Variants in TMEM164 observed in about 807,000 individuals in gnomAD.
TMEM164 encodes transmembrane protein 164.
Under a neutral mutation model 18.8 loss-of-function variants are expected in TMEM164, and 4 were observed. The observed-to-expected ratio is 0.21, with a 90% confidence interval of 0.10 to 0.49. TMEM164 has a LOEUF of 0.49. TMEM164 is among the 20% of genes least tolerant of loss of function. The probability of loss-of-function intolerance (pLI) is 0.98; values close to 1 mark genes in which losing one functional copy is unlikely to be tolerated. For synonymous variants in TMEM164, 86 were observed against 101.7 expected, an observed-to-expected ratio of 0.85 and a Z score of 0.93; for missense variants, 108 against 239.9, an observed-to-expected ratio of 0.45 and a Z score of 3.63.
At chrX:110,097,106 G>A (rs935611364) in intron 3 of TMEM164, among the ~76,000 whole-genome samples, 9 of 111,463 alleles carry the variant, frequency 8.1e-5, no homozygotes, top group Non-Finnish European at 1.1e-4. Flanking sequence ...TGAGTAGCTG[G>A]GATTACAGAC....
intron 4 of TMEM164, among the ~76,000 whole-genome samples, chrX:110,126,725 C>T (rs1569340703): frequency 9.1e-6 from 1 of 109,983 alleles, no homozygotes; most frequent in Non-Finnish European, 1.9e-5. Flanking sequence ...GCAAATCTCA[C>T]CTTAGTGTAG....
At chrX:110,009,251 G>A (rs1028005308) in intron 2 of TMEM164, among the ~76,000 whole-genome samples, 1 of 111,939 alleles carries the variant, frequency 8.9e-6, no homozygotes, top group Non-Finnish European at 1.9e-5. Flanking sequence ...TGTGAGACTT[G>A]TTTTTAGTTT....
chrX:110,079,658 G>A (rs750654023), intron 3 of TMEM164, among the ~76,000 whole-genome samples: 1 of 111,776 alleles, frequency 8.9e-6, no homozygotes, highest in South Asian at 3.7e-4. Flanking sequence ...AATTGTGTAA[G>A]CTGAGCCAAT....
At chrX:110,158,272 C>T (rs1030359482) in intron 5 of TMEM164, among the ~76,000 whole-genome samples, 1 of 111,683 alleles carries the variant, frequency 9.0e-6, no homozygotes, top group Non-Finnish European at 1.9e-5. Context: ...CTGTGGGGCC[C>T]TCCTGAAAGA....
intron 2 of TMEM164, among the ~76,000 whole-genome samples, chrX:110,019,295 C>T (rs1933665425): frequency 1.8e-5 from 2 of 111,203 alleles, no homozygotes; most frequent in Admixed American, 1.9e-4. Context: ...CCTCTTCCTC[C>T]TTTTCATCAT....
chrX:110,137,438 A>G (rs1416450473), intron 4 of TMEM164, among the ~76,000 whole-genome samples: 2 of 111,096 alleles, frequency 1.8e-5, no homozygotes, highest in Admixed American at 9.6e-5. Context: ...AGTCCTGGCA[A>G]TTCAACTTCC....
At chrX:110,013,435 G>C (rs772095862) in intron 2 of TMEM164, among the ~76,000 whole-genome samples, 2 of 112,007 alleles carry the variant, frequency 1.8e-5, no homozygotes, top group African/African-American at 6.5e-5. Flanking sequence ...GAAGGAAAAT[G>C]GGGTAAAGAG....
chrX:110,142,371 G>C lies in TMEM164; in HGVS notation c.508-2427G>C, dbSNP rs145200574. Among the ~76,000 whole-genome samples the C allele has an allele frequency of 1.9e-3, 213 of 112,021 alleles. No individual in the cohort carries two copies. In the East Asian group the frequency reaches 0.019, roughly 10 times the overall value. On this transcript the variant is annotated intron_variant, in intron 4 of 6. Coordinates refer to ENST00000372068, the MANE Select transcript of TMEM164 (RefSeq NM_032227.4). ...CCCCACGGGGCATCTCCTGTCAGTCGGCCTTCTGTGGGAGGGAGCGAGTGA... is the reference window on the plus strand; with the variant it reads ...CCCCACGGGGCATCTCCTGTCAGTCCGCCTTCTGTGGGAGGGAGCGAGTGA...
intron 5 of TMEM164, among the ~76,000 whole-genome samples, chrX:110,149,760 C>A (rs1185891502): frequency 1.8e-5 from 2 of 111,940 alleles, no homozygotes; most frequent in African/African-American, 6.5e-5. Context: ...CTAAATGTCT[C>A]AAGCATATGT....
In TMEM164 at chrX:110,156,287, A is replaced by C. The variant is rs1186484329; in HGVS notation, c.586+11411A>C. ...TTCCTTAATGTGCCTTTCTCCTTGT[A>C]CTTTTATTATACTTTATTATAATAT... On this transcript the variant is annotated intron_variant, in intron 5 of 6. Transcript: ENST00000372068. Among the ~76,000 whole-genome samples the C allele has an allele frequency of 2.7e-5, 3 of 112,049 alleles. No homozygotes were observed. The East Asian group carries it at 8.4e-4, about 31-fold the overall frequency.
intron 2 of TMEM164, among the ~76,000 whole-genome samples, chrX:110,061,052 G>GT (rs1248844899): frequency 8.9e-6 from 1 of 112,294 alleles, no homozygotes. Context: ...GGGAAGTTGA[G>GT]TAATATGTCA....
intron 4 of TMEM164, among the ~76,000 whole-genome samples, chrX:110,117,632 A>T (rs1327044147): frequency 8.9e-6 from 1 of 112,325 alleles, no homozygotes; most frequent in Non-Finnish European, 1.9e-5. Flanking sequence ...AGATTTTTTT[A>T]AAAATGAGAT....
At chrX:110,052,324 C>A (rs977253314) in intron 2 of TMEM164, among the ~76,000 whole-genome samples, 1 of 112,033 alleles carries the variant, frequency 8.9e-6, no homozygotes, top group Non-Finnish European at 1.9e-5. Context: ...AAAATTCATA[C>A]AATTTTAAAG....
chrX:110,032,035 A>C (rs1378521276), intron 2 of TMEM164, among the ~76,000 whole-genome samples: 1 of 111,696 alleles, frequency 9.0e-6, no homozygotes, highest in Non-Finnish European at 1.9e-5. Context: ...GTGAAAAAAA[A>C]TCCAGCTTGA....
chrX:110,091,381 C>A (rs2065926362), intron 3 of TMEM164, among the ~76,000 whole-genome samples: 1 of 111,965 alleles, frequency 8.9e-6, no homozygotes, highest in South Asian at 3.7e-4. Flanking sequence ...TGTTTCCTGA[C>A]TTTTTAATGA....
In TMEM164 at chrX:110,095,440, C is replaced by A. The variant is rs1452272301; in HGVS notation, c.441-13640C>A. On this transcript the variant is annotated intron_variant, in intron 3 of 6. Coordinates refer to ENST00000372068, the MANE Select transcript of TMEM164 (RefSeq NM_032227.4). Reference sequence around the variant, plus strand: ...GCATTTCATTCATTTGGTCTTTAATCACTGATACCCTTTCTTCCACTTGAT... The same window carrying A: ...GCATTTCATTCATTTGGTCTTTAATAACTGATACCCTTTCTTCCACTTGAT... 2.7e-5 allele frequency among the ~76,000 whole-genome samples: 3 copies of A among 111,670 alleles called. No individual in the cohort carries two copies. The Admixed American group carries it at 2.9e-4, about 11-fold the overall frequency.
chrX:110,105,731 C>CACACAG (rs2066185003), intron 3 of TMEM164, among the ~76,000 whole-genome samples: 1 of 86,719 alleles, frequency 1.2e-5, no homozygotes, highest in African/African-American at 4.5e-5. Flanking sequence ...GACACACACA[C>CACACAG]AGAGAGAGAG....
chrX:110,078,466 A>G (rs977308813), intron 3 of TMEM164, among the ~76,000 whole-genome samples: 3 of 112,103 alleles, frequency 2.7e-5, no homozygotes, highest in Non-Finnish European at 5.6e-5. Flanking sequence ...AGACATTTCA[A>G]TCTGGTTAGG....
chrX:110,039,413 C>G (rs1362491589), intron 2 of TMEM164, among the ~76,000 whole-genome samples: 5 of 112,370 alleles, frequency 4.4e-5, no homozygotes, highest in African/African-American at 1.6e-4. Context: ...AAGGAAAACT[C>G]GAGAGCTGGA....
Sources: allele counts gnomAD v4.1 joint callset (sites outside exome capture counted in the v4.1 genomes callset), GRCh38; gene constraint gnomAD v4.1.1; transcripts MANE v1.5; gene names NCBI Gene and HGNC (gene_info 2026-07-23, HGNC 2026-07-21).